The following KCNMA1 variants were observed in gnomAD, a reference collection of about 807,000 sequenced individuals.
The protein encoded by KCNMA1 is potassium calcium-activated channel subfamily M alpha 1.
A neutral mutation model predicts 140.0 loss-of-function variants in KCNMA1; 29 were observed. That is an observed-to-expected ratio of 0.21 (90% CI 0.15 to 0.28). KCNMA1 has a LOEUF of 0.28. Ranked by LOEUF, KCNMA1 falls within the 10% of genes least tolerant of loss-of-function variation. The pLI, the probability that KCNMA1 is intolerant of heterozygous loss-of-function variation, is 1.00. For missense variants in KCNMA1, 880 were observed against 1,602.2 expected, an observed-to-expected ratio of 0.55 and a Z score of 7.70; for synonymous variants, 612 against 611.9, an observed-to-expected ratio of 1.00 and a Z score of 0.00.
chr10:76,911,493 T>C (rs1478701754), intron 24 of KCNMA1: 1 of 152,256 alleles, frequency 6.6e-6, no homozygotes, highest in East Asian at 1.9e-4. Context: ...CATTTCATCA[T>C]TCTATACCTT....
chr10:77,402,664 AT>A (rs2096312006), intron 2 of KCNMA1, among the ~76,000 whole-genome samples: 2 of 152,174 alleles, frequency 1.3e-5, no homozygotes, highest in South Asian at 2.1e-4. Context: ...CCCAAGAAGG[AT>A]TCTGAGAAGT....
chr10:77,204,469 C>T lies in KCNMA1; in HGVS notation c.603-19553G>A, dbSNP rs558424966. Among the ~76,000 whole-genome samples the T allele has an allele frequency of 2.0e-5, 3 of 152,292 alleles. No homozygotes were observed. The South Asian group carries it at 6.2e-4, about 32-fold the overall frequency. On this transcript the variant is annotated intron_variant, in intron 3 of 27. Transcript: ENST00000286628. ...GCCTAAAACTAAAAAAAAGTCATTC[C>T]TCTGAAACTAATGAGTATGCACTTT...
At position 77,040,230 on chromosome 10, in the gene KCNMA1, T is replaced by C. The variant is rs532751806; in HGVS notation, c.1750-593A>G. Among the ~76,000 whole-genome samples, 8 of 152,150 alleles carry C rather than the reference T, an allele frequency of 5.3e-5. No homozygotes were observed. The South Asian group carries it at 1.7e-3, about 32-fold the overall frequency. Reference sequence around the variant, plus strand: ...GCGGAGACATGGGCACTCACCCACATTAGTGGGCAAGGAAATTGATACAAC... The same window carrying C: ...GCGGAGACATGGGCACTCACCCACACTAGTGGGCAAGGAAATTGATACAAC... On this transcript the variant is annotated intron_variant, in intron 14 of 27. Transcript: ENST00000286628.
downstream of KCNMA1, chr10:76,884,050 A>G (rs988097450): frequency 7.7e-6 from 7 of 911,980 alleles, no homozygotes; most frequent in Admixed American, 6.2e-5. Flanking sequence ...ATCTCTTATC[A>G]TAGTCTGTTC....
chr10:77,251,324 A>G (rs1163815458), intron 2 of KCNMA1, 68 bp from the exon 3 acceptor site: 1 of 1,222,132 alleles, frequency 8.2e-7, no homozygotes, highest in African/African-American at 1.5e-5. Context: ...TTTTTGACAC[A>G]TACCGAAGCA....
chr10:77,312,865 T>C (rs1602143851), intron 2 of KCNMA1, among the ~76,000 whole-genome samples: 1 of 152,048 alleles, frequency 6.6e-6, no homozygotes, highest in Non-Finnish European at 1.5e-5. Context: ...AACTACAGCA[T>C]GATTTCACCT....
intron 3 of KCNMA1, among the ~76,000 whole-genome samples, chr10:77,239,563 G>A (rs2056687857): frequency 6.6e-6 from 1 of 152,186 alleles, no homozygotes; most frequent in Admixed American, 6.5e-5. Context: ...TGTCCTGATA[G>A]GTAAAAGGTG....
downstream of KCNMA1, chr10:76,877,226 C>T (rs2032560596): frequency 6.5e-6 from 1 of 153,482 alleles, no homozygotes; most frequent in Non-Finnish European, 1.5e-5. Flanking sequence ...ATTCACCTGT[C>T]CCCTTAGTCT....
intron 1 of KCNMA1, among the ~76,000 whole-genome samples, chr10:77,595,068 G>A (rs545502736): frequency 8.9e-4 from 135 of 152,298 alleles, no homozygotes; most frequent in African/African-American, 3.1e-3. Flanking sequence ...TTTAGTGGTC[G>A]GGCGCAGTAG....
intron 1 of KCNMA1, among the ~76,000 whole-genome samples, chr10:77,499,893 A>AAGTAG (rs1271095683): frequency 6.6e-6 from 1 of 152,162 alleles, no homozygotes; most frequent in Non-Finnish European, 1.5e-5. Context: ...TAATAATAAT[A>AAGTAG]AGTAGAAGTT....
At chr10:77,159,508 T>A (rs1802011644) in intron 5 of KCNMA1, among the ~76,000 whole-genome samples, 2 of 152,300 alleles carry the variant, frequency 1.3e-5, no homozygotes, top group South Asian at 2.1e-4. Flanking sequence ...TTGGACCAGG[T>A]GGTTCTGTTC....
intron 1 of KCNMA1, among the ~76,000 whole-genome samples, chr10:77,497,995 A>G (rs1357150463): frequency 6.6e-6 from 1 of 152,248 alleles, no homozygotes; most frequent in Non-Finnish European, 1.5e-5. Flanking sequence ...TTCCTGCTTC[A>G]AAATCAAAAC....
At chr10:77,240,182 T>C (rs898065602) in intron 3 of KCNMA1, among the ~76,000 whole-genome samples, 8 of 152,208 alleles carry the variant, frequency 5.3e-5, no homozygotes, top group South Asian at 2.1e-4. Flanking sequence ...TTAGCAACCA[T>C]GTTTTAAAAG....
At chr10:76,884,800 G>C (rs1385989754), downstream of KCNMA1, 1 of 778,416 alleles carries the variant, frequency 1.3e-6, no homozygotes, top group Non-Finnish European at 1.9e-6. Context: ...GAAAGGGGAG[G>C]GGGGGAAAAG....
At chr10:77,485,227 A>G (rs118041974) in intron 1 of KCNMA1, among the ~76,000 whole-genome samples, 1 of 152,228 alleles carries the variant, frequency 6.6e-6, no homozygotes, top group Non-Finnish European at 1.5e-5. Context: ...TATGGTGCTC[A>G]TATTACATAC....
At chr10:76,933,307 T>C (rs1318838464) in intron 23 of KCNMA1, among the ~76,000 whole-genome samples, 1 of 152,212 alleles carries the variant, frequency 6.6e-6, no homozygotes, top group Non-Finnish European at 1.5e-5. Context: ...ACTGAGTGTC[T>C]ACTAGGTGTG....
intron 2 of KCNMA1, chr10:77,350,252 A>C (rs770224573): frequency 3.9e-5 from 6 of 152,234 alleles, no homozygotes; most frequent in Non-Finnish European, 7.3e-5. Flanking sequence ...ACCACACTTT[A>C]CAGGCACAAG....
intron 1 of KCNMA1, among the ~76,000 whole-genome samples, chr10:77,557,645 ATTTTTTTT>A (rs148296325): frequency 3.0e-5 from 4 of 131,914 alleles, no homozygotes; most frequent in Admixed American, 7.7e-5. Context: ...CCAGGAAGTG[ATTTTTTTT>A]TTTTTTTTTT....
chr10:77,386,137 GC>G (rs2095595366), intron 2 of KCNMA1, among the ~76,000 whole-genome samples: 1 of 152,194 alleles, frequency 6.6e-6, no homozygotes, highest in South Asian at 2.1e-4. Context: ...CTATAGCACT[GC>G]TTTCCTCAAA....
Sources: allele counts gnomAD v4.1 joint callset (sites outside exome capture counted in the v4.1 genomes callset), GRCh38; gene constraint gnomAD v4.1.1; transcripts MANE v1.5; gene names NCBI Gene and HGNC (gene_info 2026-07-23, HGNC 2026-07-21).